Variants in RABGAP1 observed in about 807,000 individuals in gnomAD.
RABGAP1 encodes the protein RAB GTPase activating protein 1, also known as rab GTPase-activating protein 1.
In RABGAP1, 23 loss-of-function variants were observed where a neutral mutation model predicts 137.6. The observed-to-expected ratio is 0.17, with a 90% CI of 0.12 to 0.24. RABGAP1 has a LOEUF of 0.24. RABGAP1 is among the 10% of genes least tolerant of loss of function. The pLI is 1.00. For synonymous variants in RABGAP1, 451 were observed against 450.7 expected (o/e 1.00, Z -0.01); for missense variants, 906 against 1,275.8 (o/e 0.71, Z 4.42).
chr9:122,968,056 T>C (rs1434873349), intron 2 of RABGAP1, among the ~76,000 whole-genome samples: 1 of 152,042 alleles, frequency 6.6e-6, no homozygotes, highest in Admixed American at 6.6e-5. Context: ...TTTTTGTGGG[T>C]ACATAGTAGG....
chr9:123,026,249 C>T (rs763157984), intron 13 of RABGAP1, among the ~76,000 whole-genome samples: 8 of 151,966 alleles, frequency 5.3e-5, no homozygotes, highest in East Asian at 1.9e-4. Flanking sequence ...GCTTGAACCC[C>T]GGAGGCAGAG....
chr9:123,043,957 A>G (rs563983320), intron 13 of RABGAP1, among the ~76,000 whole-genome samples: 30 of 149,584 alleles, frequency 2.0e-4, no homozygotes, highest in Middle Eastern at 3.4e-3. Context: ...CTGGAGTGCA[A>G]TGGCGCGATC....
intron 6 of RABGAP1, chr9:122,990,419 G>A: frequency 2.7e-6 from 1 of 368,448 alleles, no homozygotes; most frequent in South Asian, 4.1e-5. Flanking sequence ...TTGTCATATT[G>A]GGAACATGTT....
chr9:122,976,976 G>A (rs189587038), intron 2 of RABGAP1, among the ~76,000 whole-genome samples: 139 of 152,298 alleles, frequency 9.1e-4, no homozygotes, highest in African/African-American at 3.1e-3. Context: ...AAAGTTTATG[G>A]TGGGTCCTGG....
intron 13 of RABGAP1, among the ~76,000 whole-genome samples, chr9:123,058,050 A>AGGGGAGAT (rs1554725448): frequency 7.3e-6 from 1 of 136,838 alleles, no homozygotes; most frequent in Admixed American, 7.0e-5. Flanking sequence ...GTGGAAAGAG[A>AGGGGAGAT]GGGGAGAGGG....
At position 123,031,623 on chromosome 9, in the gene RABGAP1, ACATT is replaced by A. The variant is rs981883418; in HGVS notation, c.1794+11165_1794+11168del. ...TGCATTTGAGAACTATTGTGGAAAT[ACATT>A]TTCAGGACTTGGTGACTCAGAACTA... On this transcript the variant is annotated intron_variant, in intron 13 of 25. Coordinates refer to ENST00000373647, the MANE Select transcript of RABGAP1 (RefSeq NM_012197.4). Among the ~76,000 whole-genome samples the A allele has an allele frequency of 2.6e-5, 4 of 152,248 alleles. No homozygotes were observed. In the East Asian group the frequency reaches 5.8e-4, roughly 22 times the overall value.
At chr9:123,059,138 T>C (rs2033864725) in intron 13 of RABGAP1, among the ~76,000 whole-genome samples, 2 of 152,198 alleles carry the variant, frequency 1.3e-5, no homozygotes, top group South Asian at 4.1e-4. Context: ...AGCAAAATGA[T>C]CTGATTGGTC....
intron 2 of RABGAP1, among the ~76,000 whole-genome samples, chr9:122,961,521 A>T (rs1375586469): frequency 6.6e-6 from 1 of 152,232 alleles, no homozygotes; most frequent in Non-Finnish European, 1.5e-5. Context: ...TACAAGAAAC[A>T]CTAAAGGAAG....
chr9:122,940,792 C>G (rs766049451), upstream of RABGAP1: 1 of 152,850 alleles, frequency 6.5e-6, no homozygotes, highest in African/African-American at 2.4e-5. Context: ...ACAAGACAGC[C>G]CAGGTCCAGC....
intron 4 of RABGAP1, 36 bp downstream of exon 4, chr9:122,986,455 A>T (rs1304932192): frequency 6.3e-7 from 1 of 1,584,348 alleles, no homozygotes; most frequent in Admixed American, 1.7e-5. Context: ...CGATATTTAC[A>T]TCAGATCTCT....
intron 13 of RABGAP1, among the ~76,000 whole-genome samples, chr9:123,033,959 G>A (rs2032457200): frequency 6.6e-6 from 1 of 152,124 alleles, no homozygotes; most frequent in South Asian, 2.1e-4. Context: ...ACTGTGATTG[G>A]TTTTGTTTTA....
intron 11 of RABGAP1, 54 bp downstream of exon 11, chr9:123,010,582 T>G: frequency 4.0e-6 from 6 of 1,497,852 alleles, no homozygotes; most frequent in South Asian, 1.2e-5. Context: ...CCATGCAAAC[T>G]ATTAAAATCG....
intron 13 of RABGAP1, among the ~76,000 whole-genome samples, chr9:123,025,624 A>G (rs1432171605): frequency 2.3e-5 from 3 of 129,012 alleles, no homozygotes; most frequent in Non-Finnish European, 3.2e-5. Flanking sequence ...ATTGGTTCCT[A>G]AGAATTAACT....
At chr9:123,060,179 CT>C (rs1366732999) in intron 13 of RABGAP1, among the ~76,000 whole-genome samples, 2 of 152,148 alleles carry the variant, frequency 1.3e-5, no homozygotes, top group African/African-American at 4.8e-5. Context: ...AAACATACAC[CT>C]TATGTGTTCA....
chr9:122,935,100 T>C, the RABGAP1 span, among the ~76,000 whole-genome samples: 627 of 152,354 alleles, frequency 4.1e-3, 2 homozygotes, highest in Non-Finnish European at 6.7e-3. Flanking sequence ...TTAGTGTTAG[T>C]TGATTTTTTT....
chr9:123,031,611 T>C (rs554276099), intron 13 of RABGAP1, among the ~76,000 whole-genome samples: 1 of 152,332 alleles, frequency 6.6e-6, no homozygotes, highest in Non-Finnish European at 1.5e-5. Context: ...ATTTGAGAAC[T>C]ATTGTGGAAA....
chr9:122,952,014 A>G (rs984924771), intron 1 of RABGAP1, among the ~76,000 whole-genome samples: 2 of 152,206 alleles, frequency 1.3e-5, no homozygotes, highest in Non-Finnish European at 2.9e-5. Context: ...CTAATTTGCA[A>G]TAAAAATCTG....
chr9:123,020,965 T>G (rs1310283330), intron 13 of RABGAP1: 1 of 851,878 alleles, frequency 1.2e-6, no homozygotes, highest in African/African-American at 1.8e-5. Context: ...CCTCAAAGTT[T>G]TGCAAGCAAA....
intron 19 of RABGAP1, among the ~76,000 whole-genome samples, chr9:123,081,313 G>A (rs968956451): frequency 2.6e-5 from 4 of 152,322 alleles, no homozygotes; most frequent in East Asian, 1.9e-4. Context: ...TGCGCAGGGC[G>A]TCAGTGCCCC....
Sources: gnomAD v4.1 joint callset for allele counts (sites outside exome capture counted in the v4.1 genomes callset) on GRCh38, gnomAD v4.1.1 for gene constraint, MANE v1.5 for transcripts, NCBI Gene and HGNC (gene_info 2026-07-23, HGNC 2026-07-21) for gene names.